The following CNTFR variants were observed in gnomAD, a reference collection of about 807,000 sequenced individuals.
The protein encoded by CNTFR is ciliary neurotrophic factor receptor.
A neutral mutation model predicts 40.4 loss-of-function variants in CNTFR; 12 were observed. That is an observed-to-expected ratio of 0.30 (90% CI 0.19 to 0.48). The LOEUF (loss-of-function observed/expected upper bound fraction) is 0.48, where lower values mean the gene tolerates loss of function less well. CNTFR is among the 20% of genes least tolerant of loss of function. CNTFR has a pLI of 0.99. For synonymous variants in CNTFR, 202 were observed against 209.6 expected (o/e 0.96, Z 0.31); for missense variants, 414 against 506.8 (o/e 0.82, Z 1.76).
rs73486532 is a variant in CNTFR, at chr9:34,567,849, G to A, written c.85+1048C>T. The stretch of plus-strand genomic sequence containing the variant: ...AACACAGTTTCACACTCTCAGAGAG[G>A]TGGCCTTATGTCCAGGACCATGGGG... On this transcript the variant is annotated intron_variant, in intron 3 of 9. Transcript: ENST00000378980. 3.4e-3 allele frequency among the ~76,000 whole-genome samples: 513 copies of A among 152,338 alleles called. 6 individuals are homozygous for A. Among genetic ancestry groups the A allele is most frequent in the African/African-American group, 0.012 (494 of 41,580 alleles).
chr9:34,559,893 C>A (rs1050316184), intron 4 of CNTFR, among the ~76,000 whole-genome samples: 1 of 152,144 alleles, frequency 6.6e-6, no homozygotes, highest in African/African-American at 2.4e-5. Context: ...CAGGCTCCCC[C>A]ACTCCCCGAC....
chr9:34,589,947 C>T (rs1035064682), upstream of CNTFR: 3 of 152,828 alleles, frequency 2.0e-5, no homozygotes, highest in African/African-American at 7.2e-5. This position sits in a 1 kb window ranked among gnomAD's most constrained non-coding sequence, Gnocchi z 4.4. Context: ...CACGCTCTCG[C>T]TCCTGGCACA....
In CNTFR at chr9:34,564,595, T is replaced by C; in HGVS notation, c.319+4A>G. On this transcript the variant is annotated splice_donor_region_variant and intron_variant, in intron 4 of 9. Transcript: ENST00000378980. The stretch of plus-strand genomic sequence containing the variant: ...GCTGGATGAGGGGTGGGGGCAACAC[T>C]TACAGCCCACATGCAGCAGGACTTG... 6.2e-7 allele frequency: 1 copy of C among 1,603,966 alleles called. No homozygotes were observed. The highest frequency in any genetic ancestry group is 2.2e-5 in the East Asian group (1 of 44,448).
At position 34,568,964 on chromosome 9, in the gene CNTFR, CG is replaced by C; in HGVS notation, c.17del (p.Pro6ArgfsTer37). ...CGGCAAGCACAGCACAGCAGGCCCA[CG>C]GGACAGGAGCAGCCATCTGTTGGGA... MAAPVPWACCAVLAAA... is the reference protein window; with the variant it reads MAAPVXWACCAVLAAA... On this transcript the variant is annotated frameshift_variant, in exon 3 of 10. Transcript: ENST00000378980. LOFTEE classifies it high-confidence loss of function. 1 of 1,596,326 alleles carries C rather than the reference CG, an allele frequency of 6.3e-7. No individual in the cohort carries two copies. The highest frequency in any genetic ancestry group is 8.5e-7 in the Non-Finnish European group (1 of 1,172,094).
chr9:34,557,978 G>A lies in CNTFR; in HGVS notation c.326C>T (p.Pro109Leu), dbSNP rs377730285. Reference sequence around the variant, plus strand: ...GCGGCAGCTGAGCACAGGCTCCCGCGGCGGCACTGGGGGTGAGGACAGTAT... The same window carrying A: ...GCGGCAGCTGAGCACAGGCTCCCGCAGCGGCACTGGGGGTGAGGACAGTAT... ...HQVLLHVGLP[P>L]REPVLSCRSN... Residue 109 changes from proline (P) to leucine (L), a missense_variant, in exon 5 of 10, where the codon CCG becomes CTG. Transcript: ENST00000378980. The surrounding 1 kb of genome is among the most constrained non-coding windows in gnomAD (Gnocchi z 4.2). The A allele has an allele frequency of 5.8e-6, 9 of 1,542,060 alleles. No individual in the cohort carries two copies. Among genetic ancestry groups the A allele is most frequent in the African/African-American group, 4.1e-5 (3 of 72,690 alleles).
At chr9:34,584,510 C>A (rs1217292858) in intron 1 of CNTFR, among the ~76,000 whole-genome samples, 1 of 152,220 alleles carries the variant, frequency 6.6e-6, no homozygotes, top group African/African-American at 2.4e-5. Flanking sequence ...TTTTTAGGAT[C>A]CGAACCCCGT....
At chr9:34,579,145 T>A (rs1393051626) in intron 2 of CNTFR, among the ~76,000 whole-genome samples, 1 of 152,130 alleles carries the variant, frequency 6.6e-6, no homozygotes, top group East Asian at 1.9e-4. Flanking sequence ...CCAAGGGCCA[T>A]ACCCTCCTCC....
chr9:34,559,782 G>A (rs759184096), intron 4 of CNTFR, among the ~76,000 whole-genome samples: 1 of 152,216 alleles, frequency 6.6e-6, no homozygotes. Flanking sequence ...GGATCGGAGT[G>A]TGCAGAGTCC....
rs142203687 is a variant in CNTFR at position 34,552,368 on chromosome 9, T to TG, written c.950-40dup. 2,666 of 1,520,690 alleles carry TG rather than the reference T, an allele frequency of 1.8e-3. 47 individuals carry two copies. In the African/African-American group the frequency reaches 0.033, roughly 19 times the overall value. The allele number at this position is 1,520,690 out of a possible 1,614,324, so 94.2% of individuals were successfully genotyped here. A position where few individuals can be genotyped will look rare whatever the true frequency, so the allele number is the denominator to read the frequency against. On this transcript the variant is annotated intron_variant, in intron 8 of 9. Transcript: ENST00000378980. This position sits in a 1 kb window ranked among gnomAD's most constrained non-coding sequence, Gnocchi z 5.1. ...GGGAAACTCAGGGCAAGGCCAGGGC[T>TG]GGGTCCCATCCAGATCTGGGGGCTC...
intron 2 of CNTFR, among the ~76,000 whole-genome samples, chr9:34,575,547 G>C (rs1826910321): frequency 6.6e-6 from 1 of 152,040 alleles, no homozygotes; most frequent in African/African-American, 2.4e-5. Flanking sequence ...TTGGAGATTA[G>C]GACAAAGACC....
rs762662587 is a variant in CNTFR, at chr9:34,587,077, A to C, written c.-112+2478T>G. Among the ~76,000 whole-genome samples, 8 of 152,176 alleles carry C rather than the reference A, an allele frequency of 5.3e-5. 1 individual carries two copies. Among genetic ancestry groups the C allele is most frequent in the South Asian group, 2.1e-4 (1 of 4,830 alleles). The stretch of plus-strand genomic sequence containing the variant: ...CATCTAAGTGTGAACTCCAAGATGC[A>C]AGTACGGGTTTGAGTATGAGCCCAG... On this transcript the variant is annotated intron_variant, in intron 1 of 9. Coordinates refer to ENST00000378980, the MANE Select transcript of CNTFR (RefSeq NM_147164.3).
chr9:34,575,030 C>T (rs1336932802), intron 2 of CNTFR, among the ~76,000 whole-genome samples: 1 of 152,226 alleles, frequency 6.6e-6, no homozygotes, highest in Non-Finnish European at 1.5e-5. Flanking sequence ...ACATGCAGGC[C>T]TGTGCTTAAG....
At chr9:34,559,626 TG>T (rs1197327290) in intron 4 of CNTFR, among the ~76,000 whole-genome samples, 8 of 148,324 alleles carry the variant, frequency 5.4e-5, no homozygotes, top group Non-Finnish European at 1.0e-4. Context: ...GGGGGTGGGG[TG>T]GGGGGCGGCC....
At chr9:34,564,503 C>A in intron 4 of CNTFR, 96 bp downstream of exon 4, 1 of 1,152,718 alleles carries the variant, frequency 8.7e-7, no homozygotes, top group Non-Finnish European at 1.3e-6. Context: ...TCTCCCCTCT[C>A]CATGTCCCCC....
Position 34,557,935 on chromosome 9 carries a change from C to G in CNTFR, c.369G>C (p.Lys123Asn). ...VLSCRSNTYP[K>N]GFYCSWHLPT... ...GCAGATGCCAGCTGCAGTAGAAGCC[C>G]TTGGGGTAAGTGTTGGAGCGGCAGC... Residue 123 changes from lysine to asparagine, a missense_variant, in exon 5 of 10, where the codon AAG becomes AAC. Lys to Asn is a moderately conservative substitution (Grantham distance 94). Coordinates refer to ENST00000378980, the MANE Select transcript of CNTFR (RefSeq NM_147164.3). The surrounding 1 kb of genome is among the most constrained non-coding windows in gnomAD (Gnocchi z 4.2). 6.4e-7 allele frequency: 1 copy of G among 1,573,676 alleles called. No homozygotes were observed.
rs112111678 is a variant in CNTFR at position 34,558,285 on chromosome 9, G to A, written c.320-301C>T. ...TCAACTCATCAATCACAGGATGGAG[G>A]TGATGTCTGGGGGAATCGGCCCCAG... On this transcript the variant is annotated intron_variant, in intron 4 of 9. Coordinates refer to ENST00000378980, the MANE Select transcript of CNTFR (RefSeq NM_147164.3). 2.8e-3 allele frequency among the ~76,000 whole-genome samples: 428 copies of A among 152,324 alleles called. 2 individuals are homozygous for A. The highest frequency in any genetic ancestry group is 9.9e-3 in the African/African-American group (411 of 41,566).
chr9:34,559,644 A>G (rs569067589), intron 4 of CNTFR, among the ~76,000 whole-genome samples: 1 of 151,572 alleles, frequency 6.6e-6, no homozygotes, highest in African/African-American at 2.4e-5. Context: ...GGCCAAGGAC[A>G]CAGGAAGTGC....
chr9:34,552,125 C>T lies in CNTFR; in HGVS notation c.1118+36G>A. On this transcript the variant is annotated intron_variant, in intron 9 of 9. Transcript: ENST00000378980. The surrounding 1 kb of genome is among the most constrained non-coding windows in gnomAD (Gnocchi z 5.1). Reference sequence around the variant, plus strand: ...GAGGGGGCTGGAGTGGGGGTTCCCTCAGGCTCCCTCTGCCACCCAGCCTCA... The same window carrying T: ...GAGGGGGCTGGAGTGGGGGTTCCCTTAGGCTCCCTCTGCCACCCAGCCTCA... 1 of 1,595,028 alleles carries T rather than the reference C, an allele frequency of 6.3e-7. No homozygotes were observed. Among genetic ancestry groups the T allele is most frequent in the Non-Finnish European group, 8.5e-7 (1 of 1,171,070 alleles).
In CNTFR at chr9:34,554,426, G is replaced by A. The variant is rs138758839; in HGVS notation, c.769-1572C>T. ...CCCCCAGGAGGTCAGTGCTCTCCTC[G>A]GGGCCACATATCCTAGACCAGGATC... On this transcript the variant is annotated intron_variant, in intron 7 of 9. Coordinates refer to ENST00000378980, the MANE Select transcript of CNTFR (RefSeq NM_147164.3). 2.4e-3 allele frequency among the ~76,000 whole-genome samples: 371 copies of A among 152,210 alleles called. 1 individual carries two copies. The highest frequency in any genetic ancestry group is 7.9e-3 in the African/African-American group (328 of 41,516).
Sources: gnomAD v4.1 joint callset for allele counts (sites outside exome capture counted in the v4.1 genomes callset) on GRCh38, gnomAD v4.1.1 for gene constraint, Gnocchi (gnomAD v3.1) non-coding constraint, MANE v1.5 for transcripts, NCBI Gene and HGNC (gene_info 2026-07-23, HGNC 2026-07-21) for gene names.